The following CCDC148 variants were observed in gnomAD, a reference collection of about 807,000 sequenced individuals.
CCDC148 encodes coiled-coil domain-containing protein 148.
CCDC148 carries 89 observed loss-of-function variants against 85.7 expected under a neutral mutation model. The observed-to-expected ratio is 1.04, with a 90% CI of 0.87 to 1.24. CCDC148 has a LOEUF of 1.24. Among genes scored for constraint, CCDC148 ranks in the 50% most tolerant of loss-of-function variants. The pLI, the probability that CCDC148 is intolerant of heterozygous loss-of-function variation, is 0.00. For missense variants in CCDC148, 692 were observed against 671.7 expected (o/e 1.03, Z -0.33); for synonymous variants, 230 against 213.9 (o/e 1.08, Z -0.66).
intron 1 of CCDC148, among the ~76,000 whole-genome samples, chr2:158,397,253 A>G (rs536265245): frequency 1.3e-5 from 2 of 152,176 alleles, no homozygotes; most frequent in African/African-American, 4.8e-5. Flanking sequence ...GCAGGCCAAC[A>G]TTCAAATTCA....
rs58405421 is a variant in CCDC148, at chr2:158,324,119, T to C, written c.765-10225A>G. On this transcript the variant is annotated intron_variant, in intron 7 of 13. Transcript: ENST00000283233. ...TTTTAGTAGAGACGGGGTTTCACCA[T>C]GTTGGCCAGGCTGGTCTTGAACTGT... Among the ~76,000 whole-genome samples, 1,125 of 151,986 alleles carry C rather than the reference T, an allele frequency of 7.4e-3. 21 individuals are homozygous for C. The highest frequency in any genetic ancestry group is 0.026 in the African/African-American group (1,073 of 41,446).
intron 1 of CCDC148, among the ~76,000 whole-genome samples, chr2:158,405,757 TTAGAG>T (rs1423710130): frequency 6.6e-6 from 1 of 152,170 alleles, no homozygotes; most frequent in Non-Finnish European, 1.5e-5. Flanking sequence ...TCATATTTTG[TTAGAG>T]TAGACATAAT....
intron 1 of CCDC148, among the ~76,000 whole-genome samples, chr2:158,360,685 G>C (rs190259316): frequency 6.6e-6 from 1 of 152,100 alleles, no homozygotes; most frequent in African/African-American, 2.4e-5. Flanking sequence ...CAACATCAAA[G>C]ACCAAAGATA....
intron 9 of CCDC148, among the ~76,000 whole-genome samples, chr2:158,300,108 T>C (rs970660672): frequency 6.6e-6 from 1 of 152,222 alleles, no homozygotes; most frequent in Non-Finnish European, 1.5e-5. Flanking sequence ...TCTCAGAATA[T>C]TCAATGTTGA....
At chr2:158,450,491 T>G (rs557253682) in intron 1 of CCDC148, among the ~76,000 whole-genome samples, 7 of 152,204 alleles carry the variant, frequency 4.6e-5, no homozygotes, top group Non-Finnish European at 7.4e-5. Flanking sequence ...GCTGGCTGTA[T>G]GGGATCTGGC....
intron 1 of CCDC148, among the ~76,000 whole-genome samples, chr2:158,388,958 C>T (rs1024893195): frequency 6.6e-6 from 1 of 152,122 alleles, no homozygotes. Context: ...TGCCTGAAAA[C>T]ATGTCCAGAG....
At chr2:158,240,450 TCTCACACACACACACACA>T (rs1688303109) in intron 10 of CCDC148, among the ~76,000 whole-genome samples, 1 of 92,482 alleles carries the variant, frequency 1.1e-5, no homozygotes, top group Admixed American at 1.2e-4. Flanking sequence ...TCTCTCTCTC[TCTCACACACACACACACA>T]CACACACACA....
chr2:158,319,970 T>A (rs1218670526), intron 7 of CCDC148, among the ~76,000 whole-genome samples: 14 of 152,166 alleles, frequency 9.2e-5, no homozygotes, highest in Admixed American at 9.2e-4. Flanking sequence ...ATGTTTTAAA[T>A]CCTTATATTG....
At chr2:158,431,869 T>C (rs982274024) in intron 1 of CCDC148, among the ~76,000 whole-genome samples, 6 of 151,744 alleles carry the variant, frequency 4.0e-5, no homozygotes, top group Admixed American at 3.3e-4. Context: ...ACCTGGGAGA[T>C]GGAGGTTGCA....
At chr2:158,373,563 G>A (rs1684537304) in intron 1 of CCDC148, among the ~76,000 whole-genome samples, 1 of 151,930 alleles carries the variant, frequency 6.6e-6, no homozygotes, top group African/African-American at 2.4e-5. Context: ...TCCTAATCCA[G>A]ACAGAGATGA....
intron 9 of CCDC148, among the ~76,000 whole-genome samples, chr2:158,295,785 A>G (rs1285118280): frequency 6.6e-6 from 1 of 150,676 alleles, no homozygotes; most frequent in Non-Finnish European, 1.5e-5. Flanking sequence ...ATGGGCAAAA[A>G]CTGGAAGCAT....
intron 9 of CCDC148, among the ~76,000 whole-genome samples, chr2:158,281,737 A>C (rs964193121): frequency 6.6e-6 from 1 of 152,208 alleles, no homozygotes; most frequent in African/African-American, 2.4e-5. Context: ...AAACAATTCC[A>C]ATCAATAGAA....
chr2:158,227,654 A>T (rs972056621), intron 10 of CCDC148, among the ~76,000 whole-genome samples: 1 of 152,338 alleles, frequency 6.6e-6, no homozygotes, highest in East Asian at 1.9e-4. Flanking sequence ...ATAATGCCGC[A>T]TATCTACAAC....
At chr2:158,397,244 C>T (rs1685561891) in intron 1 of CCDC148, among the ~76,000 whole-genome samples, 1 of 152,092 alleles carries the variant, frequency 6.6e-6, no homozygotes, top group Admixed American at 6.6e-5. Flanking sequence ...CTAGACAAGG[C>T]AGGCCAACAT....
chr2:158,450,381 T>A (rs114534028), intron 1 of CCDC148, among the ~76,000 whole-genome samples: 2,707 of 152,324 alleles, frequency 0.018, 50 homozygotes, highest in Non-Finnish European at 0.023. Context: ...GTGTTAGCAC[T>A]GAGTAAAGAG....
chr2:158,241,241 GCA>G lies in CCDC148; in HGVS notation c.1251+9529_1251+9530del, dbSNP rs545063195. On this transcript the variant is annotated intron_variant, in intron 10 of 13. Transcript: ENST00000283233. ...TATGCATATATGTATGTATGTATAT[GCA>G]CAAATGTATTTAATTTGCTATATAT... 4.6e-5 allele frequency among the ~76,000 whole-genome samples: 7 copies of G among 152,308 alleles called. No homozygotes were observed. In the South Asian group the frequency reaches 1.2e-3, roughly 27 times the overall value.
rs1018610605 is a variant in CCDC148, at chr2:158,394,795, G to A, written c.26-36225C>T. Among the ~76,000 whole-genome samples, 8 of 151,896 alleles carry A rather than the reference G, an allele frequency of 5.3e-5. No homozygotes were observed. The South Asian group carries it at 6.2e-4, about 12-fold the overall frequency. ...TGCTAACTCACAGGCAGTAAAACTTGCCCACCTCATTCTGACTACACCCTG... is the reference window on the plus strand; with the variant it reads ...TGCTAACTCACAGGCAGTAAAACTTACCCACCTCATTCTGACTACACCCTG... On this transcript the variant is annotated intron_variant, in intron 1 of 13. Coordinates refer to ENST00000283233, the MANE Select transcript of CCDC148 (RefSeq NM_138803.4).
intron 10 of CCDC148, among the ~76,000 whole-genome samples, chr2:158,237,571 G>C (rs1688164502): frequency 1.3e-5 from 2 of 152,142 alleles, no homozygotes; most frequent in Admixed American, 1.3e-4. Flanking sequence ...TAGCAGACTA[G>C]ATTTCCATTT....
At chr2:158,358,297 G>T in intron 2 of CCDC148, 152 bp downstream of exon 2, 2 of 825,730 alleles carry the variant, frequency 2.4e-6, no homozygotes, top group African/African-American at 1.8e-5. Flanking sequence ...GAGAGCATTC[G>T]ATAAATGTTA....
Sources: allele counts gnomAD v4.1 joint callset (sites outside exome capture counted in the v4.1 genomes callset), GRCh38; gene constraint gnomAD v4.1.1; transcripts MANE v1.5; gene names NCBI Gene and HGNC (gene_info 2026-07-23, HGNC 2026-07-21).